Variants in CAPZB observed in about 807,000 individuals in gnomAD.
The protein encoded by CAPZB is F-actin-capping protein subunit beta.
CAPZB carries 2 observed loss-of-function variants against 38.1 expected under a neutral mutation model. The observed-to-expected ratio is 0.05, with a 90% CI of 0.02 to 0.17. CAPZB has a LOEUF of 0.17. Ranked by LOEUF, CAPZB falls within the 10% of genes least tolerant of loss-of-function variation. The pLI is 1.00. For synonymous variants in CAPZB, 107 were observed against 127.4 expected (o/e 0.84, Z 1.08); for missense variants, 161 against 334.2 (o/e 0.48, Z 4.04).
intron 1 of CAPZB, chr1:19,449,024 G>A: frequency 1.3e-6 from 2 of 1,523,774 alleles, no homozygotes; most frequent in East Asian, 2.4e-5. Flanking sequence ...GCTGCTCGCT[G>A]CCCGCTCCTG....
rs112451821 is a variant in CAPZB at position 19,484,199 on chromosome 1, G to C, written c.3+1237C>G. The stretch of plus-strand genomic sequence containing the variant: ...TAGGCGTTCTGCTCACCTGATCCGA[G>C]GGACTTCCATAATCAGCAGTTCCAA... On this transcript the variant is annotated intron_variant, in intron 1 of 8. Coordinates refer to ENST00000264202, the MANE Select transcript of CAPZB (RefSeq NM_004930.5). 2.5e-5 allele frequency: 40 copies of C among 1,612,206 alleles called. 1 individual carries two copies. In the African/African-American group the frequency reaches 3.3e-4, roughly 13 times the overall value.
chr1:19,385,877 G>A, intron 2 of CAPZB: 1 of 596,686 alleles, frequency 1.7e-6, no homozygotes. Context: ...CAAAAACTGT[G>A]TGCAGCTTTA....
At chr1:19,438,463 C>A (rs1417078513) in intron 1 of CAPZB, among the ~76,000 whole-genome samples, 2 of 152,160 alleles carry the variant, frequency 1.3e-5, no homozygotes, top group African/African-American at 4.8e-5. Flanking sequence ...TGAGAAAATT[C>A]AATTAAGAAA....
chr1:19,366,272 C>T (rs899416315), intron 4 of CAPZB, among the ~76,000 whole-genome samples: 4 of 117,576 alleles, frequency 3.4e-5, no homozygotes, highest in Middle Eastern at 3.8e-3. Flanking sequence ...CATAGTGAGA[C>T]CGTGTCTTAA....
At chr1:19,401,952 G>A (rs2094305431) in intron 2 of CAPZB, among the ~76,000 whole-genome samples, 1 of 152,162 alleles carries the variant, frequency 6.6e-6, no homozygotes, top group East Asian at 1.9e-4. Context: ...AAGTTCACTG[G>A]AGTTTGGAGC....
intron 1 of CAPZB, among the ~76,000 whole-genome samples, chr1:19,433,828 A>C (rs978528466): frequency 6.6e-6 from 1 of 152,128 alleles, no homozygotes; most frequent in African/African-American, 2.4e-5. Context: ...GACTCTATCA[A>C]ATCTCTATTT....
chr1:19,483,048 T>G (rs1466453150), intron 1 of CAPZB, among the ~76,000 whole-genome samples: 3 of 152,218 alleles, frequency 2.0e-5, no homozygotes, highest in Admixed American at 1.3e-4. Flanking sequence ...GGTGCTGTTC[T>G]AGGCCCCACG....
intron 6 of CAPZB, among the ~76,000 whole-genome samples, chr1:19,345,860 T>C (rs1253599333): frequency 1.3e-5 from 2 of 152,240 alleles, no homozygotes; most frequent in African/African-American, 2.4e-5. Flanking sequence ...CACCAGGGCC[T>C]GTTCGTTCTA....
chr1:19,340,852 G>T (rs2093924307), intron 8 of CAPZB, among the ~76,000 whole-genome samples: 1 of 152,170 alleles, frequency 6.6e-6, no homozygotes, highest in South Asian at 2.1e-4. Flanking sequence ...TAACAGTTTA[G>T]AAGCAGTGGA....
rs764934144 is a variant in CAPZB at position 19,357,615 on chromosome 1, G to C, written c.330-52C>G. On this transcript the variant is annotated intron_variant, in intron 4 of 8. Transcript: ENST00000264202. The surrounding 1 kb of genome is among the most constrained non-coding windows in gnomAD (Gnocchi z 4.3). Reference sequence around the variant, plus strand: ...TTAGATGCTAAAGGACAGATCATCAGCCTGGGTCCCAGGCTGCTGCTCAGC... The same window carrying C: ...TTAGATGCTAAAGGACAGATCATCACCCTGGGTCCCAGGCTGCTGCTCAGC... The C allele has an allele frequency of 1.9e-6, 3 of 1,596,768 alleles. No homozygotes were observed. In the African/African-American group the frequency reaches 4.0e-5, roughly 21 times the overall value.
intron 1 of CAPZB, among the ~76,000 whole-genome samples, chr1:19,442,009 C>A (rs1246304108): frequency 6.3e-3 from 543 of 85,902 alleles, no homozygotes; most frequent in South Asian, 0.015. Context: ...ACTCTGTCTC[C>A]AAAAAAAAAA....
intron 4 of CAPZB, among the ~76,000 whole-genome samples, chr1:19,359,130 T>G (rs925403495): frequency 2.6e-5 from 4 of 151,988 alleles, no homozygotes; most frequent in Non-Finnish European, 5.9e-5. Context: ...CTGTAGATTA[T>G]GTCTCACCAA....
chr1:19,349,771 G>A (rs996902505), intron 6 of CAPZB, among the ~76,000 whole-genome samples: 3 of 152,046 alleles, frequency 2.0e-5, no homozygotes, highest in Non-Finnish European at 4.4e-5. Context: ...GCCACGCAGC[G>A]GCTGGGGAGG....
intron 4 of CAPZB, among the ~76,000 whole-genome samples, chr1:19,369,742 G>A (rs1174890695): frequency 1.3e-5 from 2 of 152,226 alleles, no homozygotes; most frequent in Non-Finnish European, 2.9e-5. Flanking sequence ...AGACCTCGCT[G>A]AAGGGACAGG....
chr1:19,458,872 C>A (rs2094541556), intron 1 of CAPZB, among the ~76,000 whole-genome samples: 1 of 152,192 alleles, frequency 6.6e-6, no homozygotes, highest in Non-Finnish European at 1.5e-5. Context: ...GTCAGTTTCA[C>A]CACATTTAAG....
rs537593409 is a variant in CAPZB, at chr1:19,480,383, G to C, written c.3+5053C>G. ...AGGAAAACTGAGACCAAGGGAATTA[G>C]CCGCCTCACTGACAGTCACATGCTG... On this transcript the variant is annotated intron_variant, in intron 1 of 8. Transcript: ENST00000264202. 2.0e-5 allele frequency among the ~76,000 whole-genome samples: 3 copies of C among 152,278 alleles called. No individual in the cohort carries two copies. In the East Asian group the frequency reaches 5.8e-4, roughly 29 times the overall value.
intron 1 of CAPZB, among the ~76,000 whole-genome samples, chr1:19,462,091 A>T (rs1279365115): frequency 6.6e-6 from 1 of 152,014 alleles, no homozygotes; most frequent in Non-Finnish European, 1.5e-5. Context: ...GGCTGCAGTG[A>T]GCTGTGATCA....
intron 1 of CAPZB, among the ~76,000 whole-genome samples, chr1:19,469,755 C>T (rs1355369023): frequency 4.7e-5 from 7 of 147,572 alleles, no homozygotes; most frequent in African/African-American, 1.7e-4. Context: ...CACACACACA[C>T]ACACACACAC....
intron 2 of CAPZB, among the ~76,000 whole-genome samples, chr1:19,392,897 G>C (rs1266320489): frequency 6.6e-6 from 1 of 152,244 alleles, no homozygotes; most frequent in Non-Finnish European, 1.5e-5. Context: ...GTGAGGGCCT[G>C]CAAGCTGGCT....
Sources: allele counts gnomAD v4.1 joint callset (sites outside exome capture counted in the v4.1 genomes callset), GRCh38; gene constraint gnomAD v4.1.1; non-coding constraint Gnocchi (gnomAD v3.1); transcripts MANE v1.5; gene names NCBI Gene and HGNC (gene_info 2026-07-23, HGNC 2026-07-21).